The following ANO9 variants were observed in gnomAD, a reference collection of about 807,000 sequenced individuals.
ANO9 encodes the protein anoctamin 9.
A neutral mutation model predicts 100.5 loss-of-function variants in ANO9; 80 were observed. The ratio of observed to expected loss-of-function variants is 0.80; its 90% confidence interval spans 0.66 to 0.96. The LOEUF (loss-of-function observed/expected upper bound fraction) is 0.96. ANO9 is among the 40% of genes least tolerant of loss of function. The pLI is 0.00. For missense variants in ANO9, 1,064 were observed against 1,072.7 expected (o/e 0.99, Z 0.11); for synonymous variants, 473 against 435.6 (o/e 1.09, Z -1.07).
chr11:420,758 C>T lies in ANO9; in HGVS notation c.1593G>A (p.Pro531=), dbSNP rs1848127741. The T allele has an allele frequency of 6.2e-6, 10 of 1,606,152 alleles. No homozygotes were observed. Among genetic ancestry groups the T allele is most frequent in the Non-Finnish European group, 7.6e-6 (9 of 1,178,066 alleles). ...CGTCGAACAGGCTGAAGGTGTTGAC[C>T]GGGTTCAGAAGGTAGTTGCGCCGCC... The part of the protein sequence containing the change: ...RDWRRNYLLN[P]VNTFSLFDEF... Residue 531 remains proline, a synonymous_variant, in exon 18 of 23, where the codon CCG becomes CCA. Coordinates refer to ENST00000332826, the MANE Select transcript of ANO9 (RefSeq NM_001012302.3).
At chr11:430,644 GTC>G (rs1257503171) in intron 7 of ANO9, among the ~76,000 whole-genome samples, 17 of 69,208 alleles carry the variant, frequency 2.5e-4, no homozygotes, top group Non-Finnish European at 3.6e-4. Flanking sequence ...GGGGGAGGGG[GTC>G]TCTCTTTTGG....
At chr11:437,697 G>A (rs956771311) in intron 1 of ANO9, among the ~76,000 whole-genome samples, 1 of 152,270 alleles carries the variant, frequency 6.6e-6, no homozygotes, top group Non-Finnish European at 1.5e-5. Flanking sequence ...CCTCCCTGGG[G>A]GGGACTGGTG....
rs1849082811 is a variant in ANO9, at chr11:432,354, C to T, written c.351-300G>A. The T allele has an allele frequency of 2.1e-6, 1 of 485,092 alleles. No individual in the cohort carries two copies. Among genetic ancestry groups the T allele is most frequent in the Non-Finnish European group, 3.8e-6 (1 of 264,990 alleles). The allele number at this position is 485,092 out of a possible 1,614,324, so 30.0% of individuals were successfully genotyped here. On this transcript the variant is annotated intron_variant, in intron 4 of 22. Coordinates refer to ENST00000332826, the MANE Select transcript of ANO9 (RefSeq NM_001012302.3). This position sits in a 1 kb window ranked among gnomAD's most constrained non-coding sequence, Gnocchi z 4.8. Reference sequence around the variant, plus strand: ...CCAGACCACAGCCCGCACCTGCAACCACACCTCCCACCTGCGGGCCCCATG... The same window carrying T: ...CCAGACCACAGCCCGCACCTGCAACTACACCTCCCACCTGCGGGCCCCATG...
In ANO9 at chr11:425,742, T is replaced by G. The variant is rs181154209; in HGVS notation, c.1334+2346A>C. On this transcript the variant is annotated intron_variant, in intron 15 of 22. Coordinates refer to ENST00000332826, the MANE Select transcript of ANO9 (RefSeq NM_001012302.3). The stretch of plus-strand genomic sequence containing the variant: ...GTTTTTTGTTTGTTTGTTTGTTTTG[T>G]TTTTTTTGAGACGGAGTCTCACTCT... Among the ~76,000 whole-genome samples, 903 of 151,830 alleles carry G rather than the reference T, an allele frequency of 5.9e-3. 15 individuals carry two copies. Among genetic ancestry groups the G allele is most frequent in the African/African-American group, 0.021 (870 of 41,426 alleles).
Position 432,408 on chromosome 11 carries a change from G to A in ANO9, c.351-354C>T, listed in dbSNP as rs930158425. On this transcript the variant is annotated intron_variant, in intron 4 of 22. Coordinates refer to ENST00000332826, the MANE Select transcript of ANO9 (RefSeq NM_001012302.3). The surrounding 1 kb of genome is among the most constrained non-coding windows in gnomAD (Gnocchi z 4.8). ...CCAGAGCACACCCCAGCCTGCATCC[G>A]CACACACCCTCCTTATACCCTGGAG... 8 of 354,878 alleles carry A rather than the reference G, an allele frequency of 2.3e-5. No homozygotes were observed. In the East Asian group the frequency reaches 2.9e-4, roughly 13 times the overall value. The allele number at this position is 354,878 out of a possible 1,614,324, so 22.0% of individuals were successfully genotyped here.
rs745754735 is a variant in ANO9, at chr11:431,895, C to A, written c.418G>T (p.Asp140Tyr). ...TCAAAGACCCCGTCCTTCATCAGAT[C>A]CTCGAAGGTCTCTGGGTCACAGGGG... ...NKTSAGETFEDLMKDGVFEAR... is the reference protein window; with the variant it reads ...NKTSAGETFEYLMKDGVFEAR... The change falls in exon 6 of 23, where the codon GAT (aspartate) becomes TAT (tyrosine). Residue 140 changes from aspartate (D) to tyrosine (Y), a missense_variant. By Grantham distance (160) the Asp-to-Tyr change is radical. Transcript: ENST00000332826. The A allele has an allele frequency of 1.2e-6, 2 of 1,610,920 alleles. No homozygotes were observed. The highest frequency in any genetic ancestry group is 1.7e-5 in the Admixed American group (1 of 59,912).
At position 431,689 on chromosome 11, in the gene ANO9, G is replaced by C. The variant is rs372449537; in HGVS notation, c.539+5C>G. The C allele has an allele frequency of 5.6e-6, 9 of 1,612,184 alleles. No individual in the cohort carries two copies. The highest frequency in any genetic ancestry group is 4.0e-5 in the African/African-American group (3 of 74,872). ...GGTTCCTGTGCTCTCTTTGGGCAGC[G>C]TTACCTGATTTCATCAACTGGCTGC... is the stretch of plus-strand genomic sequence containing the variant. On this transcript the variant is annotated splice_donor_5th_base_variant and intron_variant, in intron 7 of 22. Transcript: ENST00000332826.
intron 11 of ANO9, 77 bp downstream of exon 11, chr11:429,493 T>C (rs1848751862): frequency 6.4e-7 from 1 of 1,573,626 alleles, no homozygotes. Flanking sequence ...GGCAGGCATA[T>C]GTGGGCCGTG....
chr11:431,863 C>A lies in ANO9; in HGVS notation c.450G>T (p.Arg150Ser). 1 of 1,610,944 alleles carries A rather than the reference C, an allele frequency of 6.2e-7. No individual in the cohort carries two copies. The highest frequency in any genetic ancestry group is 8.5e-7 in the Non-Finnish European group (1 of 1,178,358). ...DLMKDGVFEA[R>S]FPLHKGEGRL... ...CACCCCTCACCTTGTGCAGGGGGAA[C>A]CTGGCCTCAAAGACCCCGTCCTTCA... The change falls in exon 6 of 23, where the codon AGG (arginine) becomes AGT (serine). Residue 150 changes from arginine to serine, a missense_variant. Arg to Ser is a moderately radical substitution (Grantham distance 110). Coordinates refer to ENST00000332826, the MANE Select transcript of ANO9 (RefSeq NM_001012302.3).
chr11:441,971 A>T lies in ANO9; in HGVS notation c.-45T>A, dbSNP rs201964931. The T allele has an allele frequency of 6.9e-6, 11 of 1,597,726 alleles. No homozygotes were observed. In the East Asian group the frequency reaches 1.8e-4, roughly 26 times the overall value. On this transcript the variant is annotated 5_prime_UTR_variant, in exon 1 of 23. Transcript: ENST00000332826. Reference sequence around the variant, plus strand: ...CCAGCTGGGGTTTGGCGGCCAGGAGAGTGGCTGCCAGCGGCGGGTGCTCCT... The same window carrying T: ...CCAGCTGGGGTTTGGCGGCCAGGAGTGTGGCTGCCAGCGGCGGGTGCTCCT...
chr11:418,581 G>A lies in ANO9; in HGVS notation c.2139C>T (p.Ala713=). 6.2e-7 allele frequency: 1 copy of A among 1,612,954 alleles called. No homozygotes were observed. Residue 713 remains alanine, a synonymous_variant, in exon 23 of 23, where the codon GCC becomes GCT. Coordinates refer to ENST00000332826, the MANE Select transcript of ANO9 (RefSeq NM_001012302.3). ...AGGCGGCGATGAGCTTGATGCACAAGGCCACGTGCTAGCGGCAGCACAGGA... is the reference window on the plus strand; with the variant it reads ...AGGCGGCGATGAGCTTGATGCACAAAGCCACGTGCTAGCGGCAGCACAGGA... ...LAFVILFEHV[A]LCIKLIAAWF... is the part of the protein sequence containing the mutation.
chr11:429,122 T>C (rs112331670), intron 11 of ANO9, among the ~76,000 whole-genome samples: 117 of 69,936 alleles, frequency 1.7e-3, no homozygotes, highest in African/African-American at 4.4e-3. Context: ...CACAGGGACA[T>C]GCCTCATGGG....
At chr11:438,041 T>TG in intron 1 of ANO9, among the ~76,000 whole-genome samples, 1 of 151,822 alleles carries the variant, frequency 6.6e-6, no homozygotes, top group East Asian at 1.9e-4. Context: ...TTCTCAAAGG[T>TG]GGGGGTGGGA....
chr11:430,187 G>T lies in ANO9; in HGVS notation c.675-8C>A. 1 of 1,551,160 alleles carries T rather than the reference G, an allele frequency of 6.4e-7. No individual in the cohort carries two copies. Among genetic ancestry groups the T allele is most frequent in the Non-Finnish European group, 8.7e-7 (1 of 1,147,672 alleles). ...GCCTCACAGATCTCCTTGCTGAAGG[G>T]GCAGGGATGAGGCTGGGGTCGGCTC... On this transcript the variant is annotated splice_polypyrimidine_tract_variant and splice_region_variant and intron_variant, in intron 8 of 22. Coordinates refer to ENST00000332826, the MANE Select transcript of ANO9 (RefSeq NM_001012302.3).
chr11:419,890 C>T, intron 19 of ANO9, 161 bp from the exon 20 acceptor site: 1 of 1,442,320 alleles, frequency 6.9e-7, no homozygotes, highest in Non-Finnish European at 9.1e-7. Context: ...CCAGCCATGG[C>T]AGAGCATGGC....
At position 420,928 on chromosome 11, in the gene ANO9, C is replaced by A. The variant is rs566261009; in HGVS notation, c.1490+17G>T. The A allele has an allele frequency of 3.1e-6, 5 of 1,589,204 alleles. No individual in the cohort carries two copies. Among genetic ancestry groups the A allele is most frequent in the Non-Finnish European group, 3.4e-6 (4 of 1,163,162 alleles). Reference sequence around the variant, plus strand: ...GGGGCCTGGGGCTCCCGGGGCTGGGCGGGGGTCGGCACTCACGGGACCAGG... The same window carrying A: ...GGGGCCTGGGGCTCCCGGGGCTGGGAGGGGGTCGGCACTCACGGGACCAGG... On this transcript the variant is annotated intron_variant, in intron 17 of 22. Coordinates refer to ENST00000332826, the MANE Select transcript of ANO9 (RefSeq NM_001012302.3).
intron 20 of ANO9, 157 bp from the exon 21 acceptor site, chr11:419,146 T>A: frequency 6.9e-7 from 1 of 1,457,164 alleles, no homozygotes; most frequent in East Asian, 2.5e-5. Context: ...GCCAAGCACA[T>A]CTTCACATCC....
Position 421,046 on chromosome 11 carries a change from C to T in ANO9, c.1393-4G>A. 1 of 1,599,782 alleles carries T rather than the reference C, an allele frequency of 6.3e-7. No individual in the cohort carries two copies. The highest frequency in any genetic ancestry group is 8.5e-7 in the Non-Finnish European group (1 of 1,169,918). On this transcript the variant is annotated splice_region_variant and splice_polypyrimidine_tract_variant and intron_variant, in intron 16 of 22. Transcript: ENST00000332826. The surrounding 1 kb of genome is among the most constrained non-coding windows in gnomAD (Gnocchi z 6.8). ...TCATGCAGCCGCTGGCGTGGCACTGCGGGGCCAGACAGGAGGAGATCAGGG... is the reference window on the plus strand; with the variant it reads ...TCATGCAGCCGCTGGCGTGGCACTGTGGGGCCAGACAGGAGGAGATCAGGG...
chr11:439,633 A>G (rs988143251), intron 1 of ANO9, among the ~76,000 whole-genome samples: 5 of 118,868 alleles, frequency 4.2e-5, no homozygotes, highest in Admixed American at 4.1e-4. Context: ...CGGTGCCCTG[A>G]GCCCTCTGGG....
Sources: allele counts gnomAD v4.1 joint callset (sites outside exome capture counted in the v4.1 genomes callset), GRCh38; gene constraint gnomAD v4.1.1; non-coding constraint Gnocchi (gnomAD v3.1); transcripts MANE v1.5; gene names NCBI Gene and HGNC (gene_info 2026-07-23, HGNC 2026-07-21).